Variants in XPC observed in about 807,000 individuals in gnomAD.
XPC encodes XPC complex subunit, DNA damage recognition and repair factor.
XPC carries 76 observed loss-of-function variants against 95.8 expected under a neutral mutation model. That is an observed-to-expected ratio of 0.79 (90% CI 0.66 to 0.96). The LOEUF (loss-of-function observed/expected upper bound fraction) is 0.96, where lower values mean the gene tolerates loss of function less well. Ranked by LOEUF, XPC falls within the 40% of genes least tolerant of loss-of-function variation. XPC has a pLI of 0.00. For missense variants in XPC, 1,146 were observed against 1,179.8 expected (o/e 0.97, Z 0.42); for synonymous variants, 442 against 442.1 (o/e 1.00, Z 0.00).
At chr3:14,155,967 C>G (rs1452257267) in intron 10 of XPC, among the ~76,000 whole-genome samples, 1 of 152,206 alleles carries the variant, frequency 6.6e-6, no homozygotes, top group African/African-American at 2.4e-5. Flanking sequence ...AAACAGGGCT[C>G]TGTACCCATG....
Position 14,152,319 on chromosome 3 carries a change from C to T in XPC, c.2115+16G>A, listed in dbSNP as rs778474830. On this transcript the variant is annotated intron_variant, in intron 11 of 15. Coordinates refer to ENST00000285021, the MANE Select transcript of XPC (RefSeq NM_004628.5). Reference sequence around the variant, plus strand: ...TGTGTCACCACTCCCCACAGGGACCCCCCAGCTCCAGTTACCTTGTAGGGT... The same window carrying T: ...TGTGTCACCACTCCCCACAGGGACCTCCCAGCTCCAGTTACCTTGTAGGGT... The T allele has an allele frequency of 3.1e-6, 5 of 1,610,152 alleles. No individual in the cohort carries two copies. The highest frequency in any genetic ancestry group is 4.5e-5 in the East Asian group (2 of 44,684).
intron 1 of XPC, among the ~76,000 whole-genome samples, chr3:14,177,003 G>C (rs1006041583): frequency 6.6e-6 from 1 of 152,206 alleles, no homozygotes; most frequent in Non-Finnish European, 1.5e-5. Flanking sequence ...GGGAGGCTGA[G>C]GCAGGAGAAT....
chr3:14,155,109 C>T (rs563472628), intron 10 of XPC, among the ~76,000 whole-genome samples: 3 of 152,264 alleles, frequency 2.0e-5, no homozygotes, highest in Admixed American at 6.5e-5. Flanking sequence ...TGCCCCTGCC[C>T]AGGGCATCAT....
intron 1 of XPC, among the ~76,000 whole-genome samples, chr3:14,174,805 T>G (rs1244066514): frequency 6.6e-6 from 1 of 152,180 alleles, no homozygotes; most frequent in Non-Finnish European, 1.5e-5. Context: ...AGACCACTAT[T>G]TCATGGTGGC....
At chr3:14,153,857 C>T (rs1411010172) in intron 10 of XPC, among the ~76,000 whole-genome samples, 14 of 152,174 alleles carry the variant, frequency 9.2e-5, no homozygotes, top group Admixed American at 9.2e-4. Context: ...GCCAGAGCAG[C>T]GCTTCTGCCA....
chr3:14,173,657 G>A (rs1902658), intron 1 of XPC, among the ~76,000 whole-genome samples: 73,567 of 151,964 alleles, frequency 0.48, 17,934 homozygotes, highest in Admixed American at 0.52. Flanking sequence ...TTTTCTTAAA[G>A]TAATTATTTT....
Position 14,145,699 on chromosome 3 carries a change from T to G in XPC, c.*242A>C, listed in dbSNP as rs1695394458. 2.9e-6 allele frequency: 2 copies of G among 700,910 alleles called. No individual in the cohort carries two copies. The highest frequency in any genetic ancestry group is 5.2e-6 in the Non-Finnish European group (2 of 386,330). 43.4% of individuals were successfully genotyped at this position (700,910 alleles called of 1,614,324 possible). A position where few individuals can be genotyped will look rare whatever the true frequency, so the allele number is the denominator to read the frequency against. On this transcript the variant is annotated 3_prime_UTR_variant, in exon 16 of 16. Transcript: ENST00000285021. ...AGCTCAAAGGGTGAGTGGGCTTTGG[T>G]AGCAAAAAGCTTTGAAGGCTTCACC...
At chr3:14,159,870 A>G (rs1696098379) in intron 7 of XPC, 40 bp from the exon 8 acceptor site, 1 of 1,526,616 alleles carries the variant, frequency 6.6e-7, no homozygotes, top group African/African-American at 1.4e-5. Flanking sequence ...CTAAGAAAGT[A>G]ATTAAAGATG....
chr3:14,148,163 C>T (rs1240586204), intron 13 of XPC, 162 bp from the exon 14 acceptor site: 2 of 635,940 alleles, frequency 3.1e-6, no homozygotes, highest in Non-Finnish European at 5.4e-6. Context: ...AGAAGGCAGG[C>T]CTGTGGAAGC....
At chr3:14,147,657 A>C in intron 14 of XPC, 1 of 596,710 alleles carries the variant, frequency 1.7e-6, no homozygotes, top group South Asian at 2.1e-5. Context: ...AATTCAAGAC[A>C]GAGGCAGGTG....
Position 14,158,428 on chromosome 3 carries a change from C to A in XPC, c.1455G>T (p.Arg485Ser), listed in dbSNP as rs368618553. The A allele has an allele frequency of 5.5e-5, 88 of 1,613,676 alleles. No homozygotes were observed. Among genetic ancestry groups the A allele is most frequent in the Non-Finnish European group, 6.8e-5 (80 of 1,179,828 alleles). The change falls in exon 9 of 16, where the codon AGG becomes AGT. Residue 485 changes from arginine (R) to serine (S), a missense_variant. Physicochemically the swap from Arg to Ser is moderately radical, Grantham distance 110. Coordinates refer to ENST00000285021, the MANE Select transcript of XPC (RefSeq NM_004628.5). The surrounding 1 kb of genome is among the most constrained non-coding windows in gnomAD (Gnocchi z 5.2). Reference protein sequence around the residue: ...RTKAGSKSASRTHRGSHRKDP... With the variant: ...RTKAGSKSASSTHRGSHRKDP... ...CCTTACGATGGCTCCCACGATGGGTCCTGGAGGCACTCTTGGACCCAGCCT... is the reference window on the plus strand; with the variant it reads ...CCTTACGATGGCTCCCACGATGGGTACTGGAGGCACTCTTGGACCCAGCCT...
chr3:14,178,396 C>G, intron 1 of XPC, 70 bp downstream of exon 1: 1 of 1,503,340 alleles, frequency 6.7e-7, no homozygotes, highest in Non-Finnish European at 8.9e-7. Context: ...TCTGGACTCC[C>G]GCCCTGCCTC....
At chr3:14,177,504 T>C (rs1696874814) in intron 1 of XPC, among the ~76,000 whole-genome samples, 1 of 151,902 alleles carries the variant, frequency 6.6e-6, no homozygotes, top group Non-Finnish European at 1.5e-5. Context: ...AGGAAAAGAC[T>C]CAAGGAATAA....
intron 5 of XPC, 52 bp from the exon 6 acceptor site, chr3:14,165,637 G>A: frequency 6.3e-7 from 1 of 1,597,794 alleles, no homozygotes; most frequent in Non-Finnish European, 8.5e-7. Flanking sequence ...CCGGACACCA[G>A]GAGGAATTTT....
chr3:14,178,487 G>A lies in XPC; in HGVS notation c.82C>T (p.Arg28Trp), dbSNP rs746994711. 22 of 1,611,250 alleles carry A rather than the reference G, an allele frequency of 1.4e-5. No individual in the cohort carries two copies. Among genetic ancestry groups the A allele is most frequent in the Admixed American group, 5.0e-5 (3 of 59,936 alleles). ...SQKSKAKSKA[R>W]REEEEEDAFE... Reference sequence around the variant, plus strand: ...TCACCCTCCTCCTCCTCCTCACGCCGGGCCTTGCTCTTGGCCTTGGATTTC... The same window carrying A: ...TCACCCTCCTCCTCCTCCTCACGCCAGGCCTTGCTCTTGGCCTTGGATTTC... The change falls in exon 1 of 16, where the codon CGG becomes TGG. Residue 28 changes from arginine to tryptophan, a missense_variant. Physicochemically the swap from Arg to Trp is moderately radical, Grantham distance 101 (BLOSUM62 -3). Transcript: ENST00000285021.
intron 7 of XPC, chr3:14,164,595 A>T: frequency 2.0e-6 from 1 of 489,176 alleles, no homozygotes; most frequent in Non-Finnish European, 3.5e-6. Flanking sequence ...CAGGCCCTCC[A>T]CTCAGACTCT....
chr3:14,170,386 C>T (rs931764901), intron 3 of XPC, 52 bp downstream of exon 3: 33 of 1,569,084 alleles, frequency 2.1e-5, no homozygotes, highest in Non-Finnish European at 2.9e-5. Flanking sequence ...CAGAATCAAA[C>T]AAAAAAACAA....
At chr3:14,160,657 G>C (rs1696133493) in intron 7 of XPC, among the ~76,000 whole-genome samples, 1 of 152,238 alleles carries the variant, frequency 6.6e-6, no homozygotes, top group African/African-American at 2.4e-5. Context: ...GGAGACTAAG[G>C]AGACATGATG....
intron 13 of XPC, 146 bp downstream of exon 13, chr3:14,148,416 G>T: frequency 8.8e-7 from 1 of 1,134,090 alleles, no homozygotes; most frequent in Non-Finnish European, 1.2e-6. Flanking sequence ...GTAAAGCACT[G>T]ACTTTGCAAA....
Sources: allele counts gnomAD v4.1 joint callset (sites outside exome capture counted in the v4.1 genomes callset), GRCh38; gene constraint gnomAD v4.1.1; non-coding constraint Gnocchi (gnomAD v3.1); transcripts MANE v1.5; gene names NCBI Gene and HGNC (gene_info 2026-07-23, HGNC 2026-07-21).